The following SLC4A4 variants were observed in gnomAD, a reference collection of about 807,000 sequenced individuals.
SLC4A4 encodes the protein solute carrier family 4 member 4.
SLC4A4 carries 27 observed loss-of-function variants against 111.5 expected under a neutral mutation model. That is an observed-to-expected ratio of 0.24 (90% CI 0.18 to 0.33). SLC4A4 has a LOEUF of 0.33. SLC4A4 is among the 10% of genes least tolerant of loss of function. The pLI, the probability that SLC4A4 is intolerant of heterozygous loss-of-function variation, is 1.00. For synonymous variants in SLC4A4, 443 were observed against 463.4 expected (o/e 0.96, Z 0.57); for missense variants, 909 against 1,315.5 (o/e 0.69, Z 4.78).
At chr4:71,436,108 C>T (rs763188912) in intron 7 of SLC4A4, among the ~76,000 whole-genome samples, 7 of 152,060 alleles carry the variant, frequency 4.6e-5, no homozygotes, top group African/African-American at 1.2e-4. Flanking sequence ...CACATGCACA[C>T]GTATGTTTAT....
At chr4:71,178,970 A>T (rs1745192478) in intron 2 of SLC4A4, among the ~76,000 whole-genome samples, 1 of 152,214 alleles carries the variant, frequency 6.6e-6, no homozygotes, top group East Asian at 1.9e-4. Context: ...ATACTGGCAA[A>T]CCGAATCCAG....
chr4:71,151,983 C>T (rs1560747109), intron 2 of SLC4A4, among the ~76,000 whole-genome samples: 2 of 151,740 alleles, frequency 1.3e-5, no homozygotes, highest in African/African-American at 2.4e-5. Flanking sequence ...ATGATCATGC[C>T]ACTGTACTCC....
intron 13 of SLC4A4, among the ~76,000 whole-genome samples, chr4:71,467,975 A>G (rs1727535325): frequency 6.6e-6 from 1 of 152,102 alleles, no homozygotes; most frequent in South Asian, 2.1e-4. Flanking sequence ...GGACTCATAT[A>G]TAGCCTTTGA....
At chr4:71,504,021 T>C (rs1333033269) in intron 16 of SLC4A4, among the ~76,000 whole-genome samples, 1 of 152,218 alleles carries the variant, frequency 6.6e-6, no homozygotes, top group Non-Finnish European at 1.5e-5. Context: ...AGAAATCTGT[T>C]AATTTCCTAA....
chr4:71,078,135 A>AT lies in SLC4A4; in HGVS notation c.-64-14594dup, dbSNP rs1360722515. The stretch of plus-strand genomic sequence containing the variant: ...TTGGATGCAGGAGTACTATGGTCTC[A>AT]TAAAGGGATTCTTGAGGTTAACCAA... On this transcript the variant is annotated intron_variant, in intron 1 of 26. Transcript: ENST00000649996. Among the ~76,000 whole-genome samples, 9 of 152,320 alleles carry AT rather than the reference A, an allele frequency of 5.9e-5. No homozygotes were observed. In the East Asian group the frequency reaches 1.5e-3, roughly 26 times the overall value.
At position 71,525,778 on chromosome 4, in the gene SLC4A4, A is replaced by G. The variant is rs144700862; in HGVS notation, c.2167-6284A>G. Among the ~76,000 whole-genome samples the G allele has an allele frequency of 1.6e-3, 251 of 152,216 alleles. 2 individuals are homozygous for G. Among genetic ancestry groups the G allele is most frequent in the African/African-American group, 5.6e-3 (234 of 41,566 alleles). ...AGCTGTTAATAGTAGAGAATTAGGA[A>G]CTATGACTTTCTAATTTGATATCTT... On this transcript the variant is annotated intron_variant, in intron 16 of 25. Coordinates refer to ENST00000264485, the MANE Select transcript of SLC4A4 (RefSeq NM_001098484.3).
intron 6 of SLC4A4, among the ~76,000 whole-genome samples, chr4:71,375,360 C>T (rs1578951938): frequency 6.6e-6 from 1 of 152,158 alleles, no homozygotes; most frequent in South Asian, 2.1e-4. Flanking sequence ...CTGTATTTGC[C>T]TTTATCTATA....
rs554627594 is a variant in SLC4A4, at chr4:71,472,169, G to A, written c.1632-530G>A. 3.3e-5 allele frequency among the ~76,000 whole-genome samples: 5 copies of A among 151,928 alleles called. No individual in the cohort carries two copies. The East Asian group carries it at 5.8e-4, about 18-fold the overall frequency. ...CTTGAACACCTTGAATTTTTTCTGC[G>A]ACTTCATCTTTCCTTCCAGCCAGAA... On this transcript the variant is annotated intron_variant, in intron 13 of 25. Transcript: ENST00000264485.
intron 22 of SLC4A4, among the ~76,000 whole-genome samples, chr4:71,558,695 A>G (rs1034269161): frequency 1.3e-5 from 2 of 151,886 alleles, no homozygotes; most frequent in Non-Finnish European, 2.9e-5. Flanking sequence ...TTTTATTTTT[A>G]TAAGAATCCT....
At chr4:71,472,571 G>T (rs927092498) in intron 13 of SLC4A4, 128 bp from the exon 14 acceptor site, 7 of 908,660 alleles carry the variant, frequency 7.7e-6, no homozygotes, top group African/African-American at 3.3e-5. Flanking sequence ...CTAAAGTAGA[G>T]TTTCACATTT....
At chr4:71,205,508 C>T (rs1717701983) in intron 1 of SLC4A4, among the ~76,000 whole-genome samples, 1 of 152,116 alleles carries the variant, frequency 6.6e-6, no homozygotes, top group African/African-American at 2.4e-5. Context: ...CACAGCTGGG[C>T]TTCAGAGAAA....
At chr4:71,398,516 T>A (rs964481476) in intron 7 of SLC4A4, among the ~76,000 whole-genome samples, 4 of 152,264 alleles carry the variant, frequency 2.6e-5, no homozygotes, top group African/African-American at 9.6e-5. Flanking sequence ...TAAATATCTC[T>A]GCAAGAAAAT....
chr4:71,101,411 A>G (rs918677177), intron 2 of SLC4A4, among the ~76,000 whole-genome samples: 4 of 152,234 alleles, frequency 2.6e-5, no homozygotes, highest in Non-Finnish European at 5.9e-5. Context: ...TCACATCTTA[A>G]TAGTTTTTAA....
intron 2 of SLC4A4, among the ~76,000 whole-genome samples, chr4:71,167,859 T>C (rs927335079): frequency 6.6e-6 from 1 of 152,222 alleles, no homozygotes; most frequent in Non-Finnish European, 1.5e-5. Flanking sequence ...ACAAGTTCAC[T>C]TAGTTCTACC....
At chr4:71,513,062 G>C (rs542752904) in intron 16 of SLC4A4, among the ~76,000 whole-genome samples, 5 of 152,244 alleles carry the variant, frequency 3.3e-5, no homozygotes, top group East Asian at 3.9e-4. Context: ...GTCAGATAAT[G>C]TGATGCCTCC....
chr4:71,386,252 T>C (rs1481494203), intron 6 of SLC4A4, among the ~76,000 whole-genome samples: 1 of 152,156 alleles, frequency 6.6e-6, no homozygotes, highest in East Asian at 1.9e-4. Flanking sequence ...TTATTAAATT[T>C]CACAATGATT....
chr4:71,425,573 G>A (rs190489225), intron 7 of SLC4A4, among the ~76,000 whole-genome samples: 9 of 152,230 alleles, frequency 5.9e-5, no homozygotes, highest in Admixed American at 3.3e-4. Context: ...CAACATGTGC[G>A]CAAGGTGGTC....
At chr4:71,361,109 C>G (rs747699383) in intron 6 of SLC4A4, among the ~76,000 whole-genome samples, 14 of 152,044 alleles carry the variant, frequency 9.2e-5, no homozygotes, top group Non-Finnish European at 1.6e-4. Context: ...GTGCACAGGC[C>G]GGTCAGAGTT....
At chr4:71,067,951 G>A (rs1339985553) in intron 1 of SLC4A4, among the ~76,000 whole-genome samples, 3 of 151,260 alleles carry the variant, frequency 2.0e-5, no homozygotes, top group African/African-American at 7.3e-5. Context: ...ATCTTGCTAT[G>A]TTGCCTAGTT....
Sources: allele counts gnomAD v4.1 joint callset (sites outside exome capture counted in the v4.1 genomes callset), GRCh38; gene constraint gnomAD v4.1.1; transcripts MANE v1.5; gene names NCBI Gene and HGNC (gene_info 2026-07-23, HGNC 2026-07-21).